Variants in PRUNE2 observed in about 807,000 individuals in gnomAD.
PRUNE2 encodes protein prune homolog 2.
In PRUNE2, 164 loss-of-function variants were observed where a neutral mutation model predicts 252.0. The ratio of observed to expected loss-of-function variants is 0.65; its 90% CI spans 0.57 to 0.74. PRUNE2 has a LOEUF of 0.74. Ranked by LOEUF, PRUNE2 falls within the 30% of genes least tolerant of loss-of-function variation. PRUNE2 has a pLI of 0.00. For synonymous variants in PRUNE2, 1,292 were observed against 1,350.2 expected, an observed-to-expected ratio of 0.96 and a Z score of 0.94; for missense variants, 3,495 against 3,711.0, an observed-to-expected ratio of 0.94 and a Z score of 1.51.
intron 6 of PRUNE2, among the ~76,000 whole-genome samples, chr9:76,817,507 G>T (rs2057765642): frequency 1.3e-5 from 2 of 152,118 alleles, no homozygotes; most frequent in Admixed American, 6.5e-5. Flanking sequence ...GAGCAGAAGT[G>T]ATGAGTGTCA....
chr9:76,693,717 C>G (rs2045069077), intron 9 of PRUNE2, among the ~76,000 whole-genome samples: 1 of 152,176 alleles, frequency 6.6e-6, no homozygotes, highest in African/African-American at 2.4e-5. Context: ...GCTGGGATTA[C>G]AGGCGTGAGC....
chr9:76,784,998 G>C (rs1180819987), intron 6 of PRUNE2: 1 of 152,016 alleles, frequency 6.6e-6, no homozygotes, highest in Non-Finnish European at 1.5e-5. Context: ...GTGCAAAGAT[G>C]ACTAAGTCCT....
In PRUNE2 at chr9:76,632,987, C is replaced by T. The variant is rs547547061; in HGVS notation, c.9050+3484G>A. 8.6e-4 allele frequency among the ~76,000 whole-genome samples: 129 copies of T among 150,764 alleles called. No individual in the cohort carries two copies. The East Asian group carries it at 0.011, about 12-fold the overall frequency. ...CTGTAGTCCCAGCACTTTGGGAGGC[C>T]GAGGCAGGCGGATCACTTGAGGTCA... On this transcript the variant is annotated intron_variant, in intron 15 of 18. Transcript: ENST00000376718.
intron 6 of PRUNE2, chr9:76,787,644 G>A (rs908455524): frequency 2.0e-5 from 3 of 151,984 alleles, no homozygotes; most frequent in Non-Finnish European, 4.4e-5. Context: ...TTTTTTTAAG[G>A]TAGAAAATTG....
At chr9:76,823,890 C>G (rs1364171868) in intron 5 of PRUNE2, among the ~76,000 whole-genome samples, 164 bp from the exon 6 acceptor site, 1 of 152,006 alleles carries the variant, frequency 6.6e-6, no homozygotes, top group African/African-American at 2.4e-5. Context: ...AGGCAATAAT[C>G]ACATCACGTC....
At chr9:76,832,236 G>A (rs1321430237) in intron 4 of PRUNE2, among the ~76,000 whole-genome samples, 4 of 152,010 alleles carry the variant, frequency 2.6e-5, no homozygotes, top group Non-Finnish European at 5.9e-5. Context: ...AATATAGAAC[G>A]TTTGACCACC....
At chr9:76,619,513 T>C in intron 17 of PRUNE2, 126 bp from the exon 18 acceptor site, 1 of 672,062 alleles carries the variant, frequency 1.5e-6, no homozygotes. Flanking sequence ...AACAAATCCA[T>C]ACCTGAACAG....
At chr9:76,875,367 GT>G (rs1252507234) in intron 1 of PRUNE2, among the ~76,000 whole-genome samples, 1 of 152,004 alleles carries the variant, frequency 6.6e-6, no homozygotes, top group Non-Finnish European at 1.5e-5. Flanking sequence ...TTTTTTGTTT[GT>G]TTGTTTGTTT....
At chr9:76,642,667 C>T (rs1191498271) in intron 12 of PRUNE2, among the ~76,000 whole-genome samples, 1 of 152,208 alleles carries the variant, frequency 6.6e-6, no homozygotes, top group South Asian at 2.1e-4. Context: ...GAAGGACAAA[C>T]TCAGTAGGTT....
intron 1 of PRUNE2, among the ~76,000 whole-genome samples, chr9:76,882,667 T>C (rs2061856098): frequency 6.6e-6 from 1 of 152,136 alleles, no homozygotes; most frequent in African/African-American, 2.4e-5. Flanking sequence ...CCAAATCTCA[T>C]GAGAACACAC....
At chr9:76,666,598 A>T (rs1482331944) in intron 9 of PRUNE2, among the ~76,000 whole-genome samples, 2 of 152,092 alleles carry the variant, frequency 1.3e-5, no homozygotes, top group Non-Finnish European at 2.9e-5. Context: ...CACGTGACTC[A>T]TGTGACCTTG....
At chr9:76,837,924 A>T (rs1323600704) in intron 4 of PRUNE2, among the ~76,000 whole-genome samples, 1 of 151,610 alleles carries the variant, frequency 6.6e-6, no homozygotes, top group Non-Finnish European at 1.5e-5. Context: ...GGCGCCTGCC[A>T]CCACGCCCAG....
At chr9:76,892,065 C>CCT (rs1458437323) in intron 1 of PRUNE2, among the ~76,000 whole-genome samples, 1 of 151,660 alleles carries the variant, frequency 6.6e-6, no homozygotes, top group Non-Finnish European at 1.5e-5. Context: ...AGAAAGTAGC[C>CCT]CCCCCAGCCA....
At chr9:76,778,239 G>T (rs1589174401) in intron 6 of PRUNE2, among the ~76,000 whole-genome samples, 1 of 152,164 alleles carries the variant, frequency 6.6e-6, no homozygotes, top group African/African-American at 2.4e-5. Context: ...GCCAGGCGTT[G>T]ATCTCATTCA....
chr9:76,897,417 TTTTTTTTTTTG>T (rs2062899647), intron 1 of PRUNE2, among the ~76,000 whole-genome samples: 1 of 119,232 alleles, frequency 8.4e-6, no homozygotes, highest in African/African-American at 3.9e-5. Context: ...TTTTTTTTTT[TTTTTTTTTTTG>T]AGATGGAGTC....
chr9:76,652,990 A>G (rs1444205172), intron 10 of PRUNE2, among the ~76,000 whole-genome samples: 2 of 152,138 alleles, frequency 1.3e-5, no homozygotes, highest in Non-Finnish European at 2.9e-5. Context: ...GCCCAGTGGA[A>G]AACATTTTTA....
Position 76,776,337 on chromosome 9 carries a change from G to T in PRUNE2, c.756+47295C>A, listed in dbSNP as rs1271611330. 3.2e-3 allele frequency among the ~76,000 whole-genome samples: 491 copies of T among 152,002 alleles called. 5 individuals carry two copies. Among genetic ancestry groups the T allele is most frequent in the African/African-American group, 0.012 (482 of 41,456 alleles). On this transcript the variant is annotated intron_variant, in intron 6 of 18. Coordinates refer to ENST00000376718, the MANE Select transcript of PRUNE2 (RefSeq NM_015225.3). ...CCGATGTTATTATTTCACTCTCTGT[G>T]TCCATGTGTACACACTGTTTAGCCC...
At chr9:76,800,029 T>C (rs35260044) in intron 6 of PRUNE2, among the ~76,000 whole-genome samples, 6,954 of 152,216 alleles carry the variant, frequency 0.046, 184 homozygotes, top group Non-Finnish European at 0.069. Flanking sequence ...AGACCCCAGA[T>C]GAAAATCTCA....
chr9:76,787,545 T>C (rs576665125), intron 6 of PRUNE2: 1 of 152,272 alleles, frequency 6.6e-6, no homozygotes, highest in Admixed American at 6.5e-5. Context: ...TCCCAGAACG[T>C]AAAGTAAAAT....
Sources: allele counts gnomAD v4.1 joint callset (sites outside exome capture counted in the v4.1 genomes callset), GRCh38; gene constraint gnomAD v4.1.1; transcripts MANE v1.5; gene names NCBI Gene and HGNC (gene_info 2026-07-23, HGNC 2026-07-21).